Variants in MGAT4C observed in about 807,000 individuals in gnomAD.
MGAT4C encodes the protein MGAT4 family member C.
A neutral mutation model predicts 40.1 loss-of-function variants in MGAT4C; 19 were observed. The ratio of observed to expected loss-of-function variants is 0.47; its 90% CI spans 0.33 to 0.70. The LOEUF is 0.70. Among genes scored for constraint, MGAT4C ranks in the 30% least tolerant of loss-of-function variants. MGAT4C has a pLI of 0.02. For missense variants in MGAT4C, 491 were observed against 563.2 expected, an observed-to-expected ratio of 0.87 and a Z score of 1.30; for synonymous variants, 181 against 187.1, an observed-to-expected ratio of 0.97 and a Z score of 0.27.
intron 1 of MGAT4C, among the ~76,000 whole-genome samples, chr12:86,254,775 G>A (rs958224479): frequency 6.6e-6 from 1 of 152,124 alleles, no homozygotes; most frequent in South Asian, 2.1e-4. Context: ...TTGAGGTTTT[G>A]TTGATTACGT....
chr12:86,537,075 C>A (rs531713531), intron 2 of MGAT4C, among the ~76,000 whole-genome samples: 2 of 152,130 alleles, frequency 1.3e-5, no homozygotes, highest in South Asian at 4.1e-4. Context: ...GTAGGGAGGA[C>A]ATGGATGAAG....
chr12:86,502,794 ATG>A (rs528438255), intron 2 of MGAT4C, among the ~76,000 whole-genome samples: 1 of 123,698 alleles, frequency 8.1e-6, no homozygotes, highest in Admixed American at 8.5e-5. Context: ...GCTCATATAT[ATG>A]TATACACGAG....
intron 1 of MGAT4C, among the ~76,000 whole-genome samples, chr12:86,804,332 G>T (rs1312236922): frequency 6.9e-6 from 1 of 145,294 alleles, no homozygotes; most frequent in Non-Finnish European, 1.5e-5. Flanking sequence ...CGAGTTAGTG[G>T]GTGCAGCGCA....
chr12:86,054,701 A>C (rs1432418708), intron 1 of MGAT4C, among the ~76,000 whole-genome samples: 1 of 151,394 alleles, frequency 6.6e-6, no homozygotes, highest in South Asian at 2.1e-4. Context: ...AATTAAAAAT[A>C]ATGAATAAAT....
intron 1 of MGAT4C, among the ~76,000 whole-genome samples, chr12:86,242,369 C>G (rs1343941185): frequency 6.6e-6 from 1 of 152,160 alleles, no homozygotes; most frequent in African/African-American, 2.4e-5. Context: ...GCCTCAGGTT[C>G]AATCTATCTT....
chr12:86,701,946 T>A (rs1245962311), intron 2 of MGAT4C, among the ~76,000 whole-genome samples: 2 of 152,142 alleles, frequency 1.3e-5, no homozygotes, highest in African/African-American at 4.8e-5. Flanking sequence ...GAAAGTGGAA[T>A]CAGCAAGTTC....
chr12:86,596,917 C>A (rs933181964), intron 2 of MGAT4C, among the ~76,000 whole-genome samples: 4 of 152,114 alleles, frequency 2.6e-5, no homozygotes, highest in Non-Finnish European at 5.9e-5. Flanking sequence ...AAATTCCTGA[C>A]CATAACAGCA....
intron 2 of MGAT4C, among the ~76,000 whole-genome samples, chr12:86,632,465 G>T (rs1565895097): frequency 6.6e-6 from 1 of 151,918 alleles, no homozygotes; most frequent in Non-Finnish European, 1.5e-5. Flanking sequence ...ACATATATTT[G>T]TTGTGGCACT....
intron 1 of MGAT4C, among the ~76,000 whole-genome samples, chr12:86,112,846 G>C (rs1592973226): frequency 6.6e-6 from 1 of 151,870 alleles, no homozygotes; most frequent in South Asian, 2.1e-4. Flanking sequence ...ATATTGGGGA[G>C]CACCATATTA....
At chr12:86,203,260 G>T (rs552903556) in intron 1 of MGAT4C, among the ~76,000 whole-genome samples, 6 of 152,178 alleles carry the variant, frequency 3.9e-5, no homozygotes, top group Admixed American at 3.9e-4. Context: ...TTCAAAGGTG[G>T]TGTCCTTATC....
At chr12:86,786,691 ATCTCT>A (rs1435435179) in intron 1 of MGAT4C, among the ~76,000 whole-genome samples, 1 of 152,024 alleles carries the variant, frequency 6.6e-6, no homozygotes, top group Non-Finnish European at 1.5e-5. Context: ...TTTTGAAGAC[ATCTCT>A]TCTTGTCTGA....
intron 2 of MGAT4C, among the ~76,000 whole-genome samples, chr12:86,486,077 G>A (rs910212137): frequency 4.6e-5 from 7 of 152,060 alleles, no homozygotes; most frequent in African/African-American, 1.7e-4. Context: ...CCTTAAACAT[G>A]GAAGCAAAAG....
At chr12:86,503,844 C>A (rs1958420978) in intron 2 of MGAT4C, among the ~76,000 whole-genome samples, 1 of 114,334 alleles carries the variant, frequency 8.7e-6, no homozygotes, top group East Asian at 2.9e-4. Context: ...CTAAATTTTG[C>A]TACAAACTTA....
chr12:86,328,360 C>T (rs1045501543), intron 4 of MGAT4C, among the ~76,000 whole-genome samples: 4 of 151,828 alleles, frequency 2.6e-5, no homozygotes, highest in Admixed American at 2.6e-4. Context: ...AATAAAAATG[C>T]AAATGTTGGA....
intron 1 of MGAT4C, among the ~76,000 whole-genome samples, chr12:86,079,305 T>A (rs546781914): frequency 6.6e-6 from 1 of 152,302 alleles, no homozygotes; most frequent in African/African-American, 2.4e-5. Context: ...CCTTAGTATC[T>A]CTTAGAGTTG....
chr12:86,340,610 T>C (rs201123428), intron 3 of MGAT4C, among the ~76,000 whole-genome samples: 2 of 152,256 alleles, frequency 1.3e-5, no homozygotes, highest in East Asian at 3.9e-4. Context: ...AAAGCTTTGA[T>C]AAATTTTGGT....
intron 2 of MGAT4C, among the ~76,000 whole-genome samples, chr12:86,488,221 C>A (rs1449790337): frequency 6.6e-6 from 1 of 150,658 alleles, no homozygotes; most frequent in Admixed American, 6.6e-5. Flanking sequence ...TTGAGATCAG[C>A]CTGGGCAACA....
At chr12:86,110,306 A>ATATAGAC (rs1877127048) in intron 1 of MGAT4C, among the ~76,000 whole-genome samples, 3 of 15,178 alleles carry the variant, frequency 2.0e-4, no homozygotes, top group South Asian at 3.6e-3. Flanking sequence ...CTCTCTATAT[A>ATATAGAC]TATATATATA....
intron 1 of MGAT4C, among the ~76,000 whole-genome samples, chr12:86,728,077 T>C (rs942698469): frequency 6.6e-6 from 1 of 152,230 alleles, no homozygotes; most frequent in African/African-American, 2.4e-5. Flanking sequence ...AAAAGTTAAC[T>C]ATATTTATAA....
Sources: allele counts gnomAD v4.1 joint callset (sites outside exome capture counted in the v4.1 genomes callset), GRCh38; gene constraint gnomAD v4.1.1; transcripts MANE v1.5; gene names NCBI Gene and HGNC (gene_info 2026-07-23, HGNC 2026-07-21).